KLHL22: variants seen among roughly 807,000 people sequenced by gnomAD.
The protein encoded by KLHL22 is kelch-like protein 22.
In KLHL22, 18 loss-of-function variants were observed where a neutral mutation model predicts 60.7. That is an observed-to-expected ratio of 0.30 (90% CI 0.20 to 0.44). The LOEUF is 0.44. Ranked by LOEUF, KLHL22 falls within the 20% of genes least tolerant of loss-of-function variation. The pLI is 1.00. For missense variants in KLHL22, 596 were observed against 852.3 expected (o/e 0.70, Z 3.74); for synonymous variants, 355 against 354.5 (o/e 1.00, Z -0.01).
At chr22:20,458,747 T>G (rs1164505335) in intron 4 of KLHL22, among the ~76,000 whole-genome samples, 1 of 151,974 alleles carries the variant, frequency 6.6e-6, no homozygotes, top group African/African-American at 2.4e-5. Flanking sequence ...ACCCTCAGCT[T>G]TGTCAACAGC....
chr22:20,459,318 G>C (rs1464088173), intron 4 of KLHL22, among the ~76,000 whole-genome samples: 7 of 152,164 alleles, frequency 4.6e-5, no homozygotes, highest in African/African-American at 1.7e-4. Flanking sequence ...AGCCCCTGCA[G>C]TGTGGCCAGC....
chr22:20,456,588 C>T (rs1269326117), intron 5 of KLHL22: 1 of 152,328 alleles, frequency 6.6e-6, no homozygotes, highest in Admixed American at 6.5e-5. Flanking sequence ...TCAAGGACCT[C>T]CTGATCTTCT....
chr22:20,484,181 C>T (rs1330726634), intron 2 of KLHL22: 10 of 534,234 alleles, frequency 1.9e-5, no homozygotes, highest in South Asian at 9.6e-5. Flanking sequence ...TTAGTAGAGA[C>T]GGGGTTTCGC....
chr22:20,442,537 A>C, intron 6 of KLHL22, 99 bp from the exon 7 acceptor site: 2 of 1,407,362 alleles, frequency 1.4e-6, no homozygotes, highest in Middle Eastern at 4.5e-4. Context: ...GTTACCCACC[A>C]TTCTGACAGG....
At chr22:20,494,832 G>A (rs1353107200) in intron 1 of KLHL22, among the ~76,000 whole-genome samples, 1 of 152,228 alleles carries the variant, frequency 6.6e-6, no homozygotes, top group Non-Finnish European at 1.5e-5. Context: ...GGATGGCAGA[G>A]TCAAAATCAT....
intron 2 of KLHL22, chr22:20,488,781 G>C: frequency 1.7e-6 from 1 of 594,726 alleles, no homozygotes; most frequent in Non-Finnish European, 3.0e-6. Flanking sequence ...AGGAGGCAAA[G>C]CCCAAGAAAC....
intron 5 of KLHL22, 24 bp from the exon 6 acceptor site, chr22:20,446,700 T>C: frequency 1.3e-6 from 2 of 1,588,246 alleles, no homozygotes; most frequent in Non-Finnish European, 1.7e-6. Context: ...CCAGGAGAAA[T>C]GGCGTGAGAG....
chr22:20,481,854 CCA>C (rs2146269546), intron 2 of KLHL22: 1 of 152,404 alleles, frequency 6.6e-6, no homozygotes, highest in South Asian at 2.1e-4. Context: ...TCTGCCCACC[CCA>C]GTCTCCCAAG....
rs1355396869 is a variant in KLHL22 at position 20,465,726 on chromosome 22, C to G, written c.394-150G>C. ...ATTGTCCCCGACCTTTTCTGACACACTGGAGACTGGGGCTTACTGCAGACT... is the reference window on the plus strand; with the variant it reads ...ATTGTCCCCGACCTTTTCTGACACAGTGGAGACTGGGGCTTACTGCAGACT... On this transcript the variant is annotated intron_variant, in intron 3 of 6. Coordinates refer to ENST00000328879, the MANE Select transcript of KLHL22 (RefSeq NM_032775.4). This position sits in a 1 kb window ranked among gnomAD's most constrained non-coding sequence, Gnocchi z 4.9. The G allele has an allele frequency of 6.1e-5, 39 of 638,394 alleles. 1 individual carries two copies. The highest frequency in any genetic ancestry group is 3.7e-5 in the Non-Finnish European group (13 of 354,252). The allele number at this position is 638,394 out of a possible 1,614,324, so 39.5% of individuals were successfully genotyped here.
chr22:20,460,715 CCT>C (rs2053141289), intron 4 of KLHL22, among the ~76,000 whole-genome samples: 1 of 150,014 alleles, frequency 6.7e-6, no homozygotes. Context: ...TTCTTATTTC[CCT>C]GTTGTGTCCT....
At chr22:20,449,934 C>A (rs1402341009) in intron 5 of KLHL22, among the ~76,000 whole-genome samples, 1 of 152,212 alleles carries the variant, frequency 6.6e-6, no homozygotes, top group Non-Finnish European at 1.5e-5. Flanking sequence ...GGAGCAGACC[C>A]GGACAGCTCC....
intron 4 of KLHL22, among the ~76,000 whole-genome samples, chr22:20,462,363 A>T (rs533209206): frequency 3.2e-4 from 48 of 151,736 alleles, no homozygotes; most frequent in Admixed American, 8.5e-4. Context: ...TATTTAAAAA[A>T]TTTTTTTTAG....
intron 2 of KLHL22, among the ~76,000 whole-genome samples, chr22:20,476,047 T>C (rs987478269): frequency 6.6e-6 from 1 of 152,252 alleles, no homozygotes; most frequent in Admixed American, 6.5e-5. Flanking sequence ...AACATCTAGG[T>C]TAATGTAGAG....
chr22:20,492,233 C>A (rs529222342), intron 1 of KLHL22, among the ~76,000 whole-genome samples: 1 of 152,228 alleles, frequency 6.6e-6, no homozygotes, highest in African/African-American at 2.4e-5. Flanking sequence ...TCCTTTCTAA[C>A]CCATGTGCCC....
chr22:20,443,523 A>G lies in KLHL22; in HGVS notation c.1540-1085T>C, dbSNP rs1275762627. On this transcript the variant is annotated intron_variant, in intron 6 of 6. Coordinates refer to ENST00000328879, the MANE Select transcript of KLHL22 (RefSeq NM_032775.4). ...TGGGAGGCCAAGGCGGGCTGATCACAAGGTCAAGAGATCAAGACCATCCTG... is the reference window on the plus strand; with the variant it reads ...TGGGAGGCCAAGGCGGGCTGATCACGAGGTCAAGAGATCAAGACCATCCTG... Among the ~76,000 whole-genome samples the G allele has an allele frequency of 1.3e-4, 19 of 146,536 alleles. 1 individual carries two copies. The South Asian group carries it at 2.2e-3, about 17-fold the overall frequency.
intron 3 of KLHL22, among the ~76,000 whole-genome samples, chr22:20,470,208 G>A (rs922661227): frequency 2.6e-5 from 4 of 151,658 alleles, no homozygotes; most frequent in Admixed American, 2.6e-4. Context: ...TATCAGCTAG[G>A]CACAATGGCA....
intron 1 of KLHL22, among the ~76,000 whole-genome samples, chr22:20,494,585 T>C (rs942626574): frequency 4.6e-5 from 7 of 152,084 alleles, no homozygotes; most frequent in Non-Finnish European, 8.8e-5. Flanking sequence ...TTCACCATGT[T>C]GGCCAGGCTA....
At chr22:20,484,554 C>A (rs1160557942) in intron 2 of KLHL22, among the ~76,000 whole-genome samples, 4 of 152,060 alleles carry the variant, frequency 2.6e-5, no homozygotes, top group African/African-American at 9.7e-5. Context: ...CTTGGGCACC[C>A]ATTGTGCTGG....
intron 3 of KLHL22, among the ~76,000 whole-genome samples, chr22:20,467,705 C>T (rs975824890): frequency 2.0e-5 from 3 of 152,162 alleles, no homozygotes; most frequent in African/African-American, 7.2e-5. Context: ...GTTGCCCAGG[C>T]TGGAGTGCAG....
Sources: gnomAD v4.1 joint callset for allele counts (sites outside exome capture counted in the v4.1 genomes callset) on GRCh38, gnomAD v4.1.1 for gene constraint, Gnocchi (gnomAD v3.1) non-coding constraint, MANE v1.5 for transcripts, NCBI Gene and HGNC (gene_info 2026-07-23, HGNC 2026-07-21) for gene names.